The following LARS1 variants were observed in gnomAD, a reference collection of about 807,000 sequenced individuals.
LARS1 encodes the protein leucine--tRNA ligase, cytoplasmic.
In LARS1, 100 loss-of-function variants were observed where a neutral mutation model predicts 162.8. That is an observed-to-expected ratio of 0.61 (90% CI 0.52 to 0.73). The LOEUF is 0.73. LARS1 is among the 30% of genes least tolerant of loss of function. LARS1 has a pLI of 0.00. For missense variants in LARS1, 1,258 were observed against 1,408.9 expected (o/e 0.89, Z 1.71); for synonymous variants, 457 against 462.8 (o/e 0.99, Z 0.16).
At chr5:146,151,791 A>G (rs1319354342) in intron 14 of LARS1, 71 bp downstream of exon 14, 1 of 1,385,172 alleles carries the variant, frequency 7.2e-7, no homozygotes, top group African/African-American at 1.4e-5. Context: ...ATTTTTCTAC[A>G]TTTTTTCTAA....
At chr5:146,125,005 ACACACACACACG>A (rs1207201029) in intron 28 of LARS1, among the ~76,000 whole-genome samples, 1 of 151,568 alleles carries the variant, frequency 6.6e-6, no homozygotes, top group East Asian at 1.9e-4. Flanking sequence ...CATTTTATAC[ACACACACACACG>A]CACACACACA....
chr5:146,125,377 A>C (rs1348556162), intron 28 of LARS1, among the ~76,000 whole-genome samples: 1 of 152,034 alleles, frequency 6.6e-6, no homozygotes, highest in Non-Finnish European at 1.5e-5. Flanking sequence ...TGAAGAAGTT[A>C]AGAGGTCTGG....
At chr5:146,157,840 T>G (rs1294380055) in intron 8 of LARS1, 45 bp from the exon 9 acceptor site, 2 of 1,572,180 alleles carry the variant, frequency 1.3e-6, no homozygotes, top group South Asian at 1.1e-5. Flanking sequence ...AAAAAAGACT[T>G]GCCTTAAACC....
chr5:146,153,936 C>T lies in LARS1; in HGVS notation c.1110G>A (p.Lys370=), dbSNP rs376576817. 2 of 1,611,974 alleles carry T rather than the reference C, an allele frequency of 1.2e-6. No homozygotes were observed. Among genetic ancestry groups the T allele is most frequent in the Non-Finnish European group, 1.7e-6 (2 of 1,179,442 alleles). The part of the protein sequence containing the change: ...ASLSAPLTSY[K]VIYVLPMLTI... The stretch of plus-strand genomic sequence containing the variant: ...TTAGCATTGGGAGAACATAGATCAC[C>T]TTGTATGATGTTAAAGGTGCAGAAA... Residue 370 remains lysine (K), a synonymous_variant, in exon 11 of 32, where the codon AAG becomes AAA. Coordinates refer to ENST00000394434, the MANE Select transcript of LARS1 (RefSeq NM_020117.11).
At chr5:146,151,726 A>C (rs1753298640) in intron 14 of LARS1, 136 bp downstream of exon 14, 7 of 802,888 alleles carry the variant, frequency 8.7e-6, no homozygotes, top group Non-Finnish European at 1.3e-5. Context: ...ATTTGGAAAT[A>C]GAATACATTC....
chr5:146,161,013 G>T (rs1581066805), intron 6 of LARS1, among the ~76,000 whole-genome samples: 1 of 152,060 alleles, frequency 6.6e-6, no homozygotes, highest in Admixed American at 6.6e-5. Flanking sequence ...GACATATCTG[G>T]GAGATATTGT....
At chr5:146,136,842 G>C (rs1752521149) in intron 21 of LARS1, among the ~76,000 whole-genome samples, 1 of 152,180 alleles carries the variant, frequency 6.6e-6, no homozygotes, top group South Asian at 2.1e-4. Context: ...GGCTAAGTCT[G>C]ATGTTACATA....
chr5:146,160,509 G>A (rs1379408784), intron 6 of LARS1, 23 bp from the exon 7 acceptor site: 2 of 1,285,228 alleles, frequency 1.6e-6, no homozygotes, highest in Admixed American at 2.8e-5. Context: ...AATTTTAAAA[G>A]GCAATTACTG....
At chr5:146,163,596 G>T (rs1362493879) in intron 6 of LARS1, among the ~76,000 whole-genome samples, 2 of 152,122 alleles carry the variant, frequency 1.3e-5, no homozygotes, top group Non-Finnish European at 2.9e-5. Context: ...TGAGGCAGAA[G>T]AATAGCTTGA....
rs1163363284 is a variant in LARS1 at position 146,144,308 on chromosome 5, C to T, written c.1697G>A (p.Gly566Asp). Residue 566 changes from glycine (G) to aspartate (D), a missense_variant, in exon 18 of 32, where the codon GGT (glycine) becomes GAT (aspartate). Transcript: ENST00000394434. ...TGAGCAAGCATGTTCTTGTAGCCAA[C>T]CTAAGGTGGCTTCAAAATTCCTCCT... The part of the protein sequence containing the change: ...ETRRNFEATL[G>D]WLQEHACSRT... 4.3e-6 allele frequency: 7 copies of T among 1,613,548 alleles called. No homozygotes were observed. Among genetic ancestry groups the T allele is most frequent in the Non-Finnish European group, 5.9e-6 (7 of 1,179,918 alleles).
At position 146,126,620 on chromosome 5, in the gene LARS1, G is replaced by A. The variant is rs571283041; in HGVS notation, c.2881-75C>T. 32 of 906,780 alleles carry A rather than the reference G, an allele frequency of 3.5e-5. No homozygotes were observed. The African/African-American group carries it at 4.6e-4, about 13-fold the overall frequency. 56.2% of individuals were successfully genotyped at this position (906,780 alleles called of 1,614,324 possible). On this transcript the variant is annotated intron_variant, in intron 27 of 31. Transcript: ENST00000394434. Reference sequence around the variant, plus strand: ...TAAGGCAGAACAGTAGATGTGACCAGGCATAGAATGGTGGCCTCTATCAAT... The same window carrying A: ...TAAGGCAGAACAGTAGATGTGACCAAGCATAGAATGGTGGCCTCTATCAAT...
At chr5:146,143,622 G>A in intron 18 of LARS1, 72 bp from the exon 19 acceptor site, 1 of 1,394,224 alleles carries the variant, frequency 7.2e-7, no homozygotes, top group Admixed American at 1.9e-5. Context: ...TTTTAAGAAG[G>A]GGGCTATAAC....
intron 14 of LARS1, 96 bp from the exon 15 acceptor site, chr5:146,149,795 C>T (rs1753192433): frequency 1.2e-6 from 1 of 820,380 alleles, no homozygotes; most frequent in Non-Finnish European, 2.1e-6. Flanking sequence ...TTGCTTCTGC[C>T]CACCGAAATA....
intron 4 of LARS1, among the ~76,000 whole-genome samples, chr5:146,168,622 G>A (rs867015159): frequency 2.6e-5 from 4 of 151,850 alleles, no homozygotes; most frequent in African/African-American, 9.7e-5. Context: ...GAGGCAGAGG[G>A]TGCAGTGAGC....
chr5:146,142,778 C>T (rs1752841676), intron 20 of LARS1, 94 bp downstream of exon 20: 2 of 932,238 alleles, frequency 2.1e-6, no homozygotes, highest in South Asian at 1.8e-5. Context: ...AAATCTATAC[C>T]ATCCCCTCCA....
chr5:146,114,912 T>C (rs1296884389), intron 31 of LARS1, among the ~76,000 whole-genome samples: 2 of 151,570 alleles, frequency 1.3e-5, no homozygotes, highest in African/African-American at 4.9e-5. Flanking sequence ...GGCATGGTGG[T>C]GCATGCCTGT....
intron 2 of LARS1, among the ~76,000 whole-genome samples, chr5:146,176,015 G>A (rs948466921): frequency 2.6e-5 from 4 of 151,970 alleles, no homozygotes; most frequent in Non-Finnish European, 5.9e-5. Context: ...AGCCAGGCAT[G>A]GTGGCGCATG....
At chr5:146,171,646 C>T (rs952223142) in intron 4 of LARS1, among the ~76,000 whole-genome samples, 2 of 152,094 alleles carry the variant, frequency 1.3e-5, no homozygotes, top group African/African-American at 4.8e-5. Flanking sequence ...TCAGTTATTA[C>T]CTAACTGTAA....
intron 5 of LARS1, 98 bp downstream of exon 5, chr5:146,168,030 C>T: frequency 2.0e-6 from 2 of 1,020,168 alleles, no homozygotes; most frequent in Non-Finnish European, 2.8e-6. Flanking sequence ...TGATCTAGTA[C>T]ATTTTATGTG....
Sources: allele counts gnomAD v4.1 joint callset (sites outside exome capture counted in the v4.1 genomes callset), GRCh38; gene constraint gnomAD v4.1.1; transcripts MANE v1.5; gene names NCBI Gene and HGNC (gene_info 2026-07-23, HGNC 2026-07-21).